The following ZFP90 variants were observed in gnomAD, a reference collection of about 807,000 sequenced individuals.
The protein encoded by ZFP90 is ZFP90 zinc finger protein, also known as zinc finger protein 90 homolog.
ZFP90 carries 38 observed loss-of-function variants against 60.8 expected under a neutral mutation model. The ratio of observed to expected loss-of-function variants is 0.62; its 90% CI spans 0.48 to 0.82. The LOEUF is 0.82. Ranked by LOEUF, ZFP90 falls within the 40% of genes least tolerant of loss-of-function variation. The pLI is 0.00. For synonymous variants in ZFP90, 287 were observed against 264.8 expected, an observed-to-expected ratio of 1.08 and a Z score of -0.82; for missense variants, 711 against 759.1, an observed-to-expected ratio of 0.94 and a Z score of 0.74.
intron 4 of ZFP90, chr16:68,562,787 C>G: frequency 1.4e-6 from 1 of 718,700 alleles, no homozygotes; most frequent in Non-Finnish European, 2.2e-6. Context: ...GTCCTGCTCA[C>G]TTATTTCCTT....
At position 68,565,450 on chromosome 16, in the gene ZFP90, A is replaced by G; in HGVS notation, c.*752A>G. 1 of 985,618 alleles carries G rather than the reference A, an allele frequency of 1.0e-6. No homozygotes were observed. Among genetic ancestry groups the G allele is most frequent in the Non-Finnish European group, 1.2e-6 (1 of 829,938 alleles). The allele number at this position is 985,618 out of a possible 1,614,324, so 61.1% of individuals were successfully genotyped here. ...ATAAGTGGGAGCAAAATGTATGCAAATTTATCACAAACTATTTAAAGCAAC... is the reference window on the plus strand; with the variant it reads ...ATAAGTGGGAGCAAAATGTATGCAAGTTTATCACAAACTATTTAAAGCAAC... On this transcript the variant is annotated 3_prime_UTR_variant, in exon 5 of 5. Transcript: ENST00000563169.
chr16:68,540,900 A>G (rs1298589291), intron 2 of ZFP90, among the ~76,000 whole-genome samples: 1 of 146,604 alleles, frequency 6.8e-6, no homozygotes, highest in Non-Finnish European at 1.5e-5. Context: ...TAAGCATACA[A>G]TACATCATGC....
In ZFP90 at chr16:68,539,481, T is replaced by G; in HGVS notation, c.-36+2T>G. ...GCCCCCCAGAGGCGGTGATTCTGAG[T>G]GCGCGGGTCTGGGCGGGACCCCTCC... On this transcript the variant is annotated splice_donor_variant, in intron 1 of 4. Transcript: ENST00000563169. LOFTEE classifies it low-confidence loss of function (5UTR_SPLICE). 1 of 413,294 alleles carries G rather than the reference T, an allele frequency of 2.4e-6. No individual in the cohort carries two copies. The allele number at this position is 413,294 out of a possible 1,614,324, so 25.6% of individuals were successfully genotyped here. A position where few individuals can be genotyped will look rare whatever the true frequency, so the allele number is the denominator to read the frequency against.
intron 2 of ZFP90, among the ~76,000 whole-genome samples, chr16:68,540,208 G>A (rs1421130692): frequency 6.6e-6 from 1 of 152,134 alleles, no homozygotes; most frequent in African/African-American, 2.4e-5. Flanking sequence ...GGAGAGAGGA[G>A]CCCCAGCTTC....
At position 68,564,645 on chromosome 16, in the gene ZFP90, C is replaced by T. The variant is rs370199218; in HGVS notation, c.1858C>T (p.Arg620Ter). 10 of 1,613,734 alleles carry T rather than the reference C, an allele frequency of 6.2e-6. No individual in the cohort carries two copies. Among genetic ancestry groups the T allele is most frequent in the East Asian group, 4.5e-5 (2 of 44,876 alleles). ...TAAGGAATGTGGGAAAAACTTCAGC[C>T]GAAGTTCAGCTCTTACTAAACACCA... is the stretch of plus-strand genomic sequence containing the variant. ...SCKECGKNFS[R>*]SSALTKHQRI... Residue 620 changes from arginine to a stop codon, truncating the protein, a stop_gained, in exon 5 of 5, where the codon CGA becomes TGA. Transcript: ENST00000563169. LOFTEE classifies it high-confidence loss of function.
intron 4 of ZFP90, among the ~76,000 whole-genome samples, chr16:68,561,069 T>C (rs1469411926): frequency 6.6e-6 from 1 of 152,002 alleles, no homozygotes; most frequent in Non-Finnish European, 1.5e-5. Flanking sequence ...TAATTTTTTG[T>C]ATTTTAATAG....
intron 2 of ZFP90, among the ~76,000 whole-genome samples, chr16:68,573,274 C>T (rs2091577235): frequency 6.6e-6 from 1 of 152,198 alleles, no homozygotes; most frequent in Non-Finnish European, 1.5e-5. Context: ...ACTAGGCTGC[C>T]CTGCTGTGAA....
intron 2 of ZFP90, among the ~76,000 whole-genome samples, chr16:68,549,790 G>C (rs922498547): frequency 6.6e-6 from 1 of 152,082 alleles, no homozygotes; most frequent in Admixed American, 6.6e-5. Flanking sequence ...CACGGAGGAT[G>C]TGGGGAAGCT....
At chr16:68,572,810 T>C (rs1488335409) in intron 2 of ZFP90, among the ~76,000 whole-genome samples, 2 of 152,140 alleles carry the variant, frequency 1.3e-5, no homozygotes, top group African/African-American at 4.8e-5. Flanking sequence ...TTCCCTGTAG[T>C]GTGGAGGTGG....
chr16:68,564,601 G>A lies in ZFP90; in HGVS notation c.1814G>A (p.Gly605Glu), dbSNP rs2091493938. 6.2e-7 allele frequency: 1 copy of A among 1,614,104 alleles called. No individual in the cohort carries two copies. Among genetic ancestry groups the A allele is most frequent in the Non-Finnish European group, 8.5e-7 (1 of 1,179,996 alleles). The change falls in exon 5 of 5, where the codon GGA (glycine) becomes GAA (glutamate). Residue 605 changes from glycine to glutamate, a missense_variant. Around this residue, in one of 5 missense-constraint regions of ZFP90, gnomAD observed 295 missense variants for 274.0 expected, o/e 1.08. Coordinates refer to ENST00000563169, the MANE Select transcript of ZFP90 (RefSeq NM_001305203.2). ...CATGATCATCAGAGAATTCATACTG[G>A]AGAAAAACCCTATTCTTGTAAGGAA... ...NLHDHQRIHTGEKPYSCKECG... is the reference protein window; with the variant it reads ...NLHDHQRIHTEEKPYSCKECG...
intron 2 of ZFP90, chr16:68,557,416 G>T (rs1458191712): frequency 1.7e-5 from 6 of 363,624 alleles, no homozygotes; most frequent in Non-Finnish European, 3.4e-5. Flanking sequence ...TCAATAAGGT[G>T]CAATTATTCC....
intron 2 of ZFP90, among the ~76,000 whole-genome samples, chr16:68,551,205 G>A (rs1250347117): frequency 6.6e-6 from 1 of 152,074 alleles, no homozygotes; most frequent in African/African-American, 2.4e-5. Flanking sequence ...GTAGTTCAGG[G>A]AACTCATGTT....
At position 68,539,791 on chromosome 16, in the gene ZFP90, G is replaced by T; in HGVS notation, c.-2G>T. On this transcript the variant is annotated 5_prime_UTR_variant, in exon 2 of 5. Coordinates refer to ENST00000563169, the MANE Select transcript of ZFP90 (RefSeq NM_001305203.2). ...CCGGAGCCGGGCCCTGGCGAGGCAG[G>T]AATGGCCCCGAGGCCTCCGACCGCC... is the stretch of plus-strand genomic sequence containing the variant. 1 of 1,600,270 alleles carries T rather than the reference G, an allele frequency of 6.2e-7. No homozygotes were observed.
Position 68,564,919 on chromosome 16 carries a change from G to T in ZFP90, c.*221G>T. 1 of 1,303,644 alleles carries T rather than the reference G, an allele frequency of 7.7e-7. No homozygotes were observed. Among genetic ancestry groups the T allele is most frequent in the Non-Finnish European group, 9.7e-7 (1 of 1,029,542 alleles). 80.8% of individuals were successfully genotyped at this position (1,303,644 alleles called of 1,614,324 possible). A position where few individuals can be genotyped will look rare whatever the true frequency, so the allele number is the denominator to read the frequency against. On this transcript the variant is annotated 3_prime_UTR_variant, in exon 5 of 5. Coordinates refer to ENST00000563169, the MANE Select transcript of ZFP90 (RefSeq NM_001305203.2). ...TAAAAACAGCTACATGTATGTAGCT[G>T]GTTGGGGATGATATGCCTGTATGTT...
At position 68,545,746 on chromosome 16, in the gene ZFP90, C is replaced by T. The variant is rs1446517994; in HGVS notation, c.33+5921C>T. ...AGAAGAATGGCATGAACCTGGGAGG[C>T]GGAGCTTTTAGTGAGCAGAGATCAC... is the stretch of plus-strand genomic sequence containing the variant. On this transcript the variant is annotated intron_variant, in intron 2 of 4. Transcript: ENST00000563169. Among the ~76,000 whole-genome samples the T allele has an allele frequency of 3.9e-5, 6 of 152,094 alleles. No homozygotes were observed. The South Asian group carries it at 8.3e-4, about 21-fold the overall frequency.
chr16:68,567,654 C>G (rs969942202), downstream of ZFP90, among the ~76,000 whole-genome samples: 1 of 152,174 alleles, frequency 6.6e-6, no homozygotes, highest in Non-Finnish European at 1.5e-5. Flanking sequence ...TTTCTATTTC[C>G]TGATGTCCTT....
chr16:68,538,631 A>T (rs1613254), upstream of ZFP90, among the ~76,000 whole-genome samples: 1 of 151,670 alleles, frequency 6.6e-6, no homozygotes, highest in Admixed American at 6.6e-5. Flanking sequence ...GCTTGAACCC[A>T]GGAGGCGGAG....
intron 2 of ZFP90, among the ~76,000 whole-genome samples, chr16:68,541,340 ATTT>A (rs1440408254): frequency 6.6e-6 from 1 of 150,912 alleles, no homozygotes; most frequent in Non-Finnish European, 1.5e-5. Context: ...GCCTGGCCTA[ATTT>A]TTGTTTTTTT....
At chr16:68,534,846 G>T (rs567787025), upstream of ZFP90, among the ~76,000 whole-genome samples, 4 of 151,994 alleles carry the variant, frequency 2.6e-5, no homozygotes, top group Non-Finnish European at 4.4e-5. Flanking sequence ...GGCAGAGCTT[G>T]CAGTGAGCTG....
Sources: gnomAD v4.1 joint callset for allele counts (sites outside exome capture counted in the v4.1 genomes callset) on GRCh38, gnomAD v4.1.1 for gene constraint, gnomAD v4.1.1 regional missense constraint, MANE v1.5 for transcripts, NCBI Gene and HGNC (gene_info 2026-07-23, HGNC 2026-07-21) for gene names.